PARVB: variants seen among roughly 807,000 people sequenced by gnomAD.
PARVB encodes the protein beta-parvin.
Under a neutral mutation model 47.0 loss-of-function variants are expected in PARVB, and 46 were observed. The observed-to-expected ratio is 0.98, with a 90% CI of 0.77 to 1.25. The LOEUF is 1.25. Among genes scored for constraint, PARVB ranks in the 50% most tolerant of loss-of-function variants. The pLI, the probability that PARVB is intolerant of heterozygous loss-of-function variation, is 0.00. For missense variants in PARVB, 473 were observed against 471.6 expected (o/e 1.00, Z -0.03); for synonymous variants, 196 against 196.3 (o/e 1.00, Z 0.01).
intron 2 of PARVB, among the ~76,000 whole-genome samples, 161 bp from the exon 3 acceptor site, chr22:44,099,892 G>A (rs966609017): frequency 3.3e-5 from 5 of 152,290 alleles, no homozygotes; most frequent in Middle Eastern, 3.4e-3. Context: ...GCGGGAGGAT[G>A]CCCCATCCAC....
chr22:44,117,226 G>A (rs1228835180), intron 3 of PARVB, among the ~76,000 whole-genome samples: 3 of 152,134 alleles, frequency 2.0e-5, no homozygotes, highest in African/African-American at 4.8e-5. Context: ...GGCAGAAACC[G>A]GCCTCTGAAG....
Position 44,082,536 on chromosome 22 carries a change from CA to C in PARVB, c.113-11386del, listed in dbSNP as rs200287844. Among the ~76,000 whole-genome samples, 21 of 151,954 alleles carry C rather than the reference CA, an allele frequency of 1.4e-4. No individual in the cohort carries two copies. In the East Asian group the frequency reaches 3.9e-3, roughly 28 times the overall value. ...TCCGTCTCAAAAACAAAAACAAAAA[CA>C]AAAAACAAAAAACAAAAACTGACTC... On this transcript the variant is annotated intron_variant, in intron 1 of 12. Coordinates refer to ENST00000338758, the MANE Select transcript of PARVB (RefSeq NM_013327.5).
intron 4 of PARVB, among the ~76,000 whole-genome samples, chr22:44,120,204 G>A (rs2053012974): frequency 6.6e-6 from 1 of 152,196 alleles, no homozygotes; most frequent in Non-Finnish European, 1.5e-5. Context: ...GCTCCTGCAT[G>A]ATCACAGCTG....
chr22:44,058,656 G>A (rs2051360822), intron 1 of PARVB, among the ~76,000 whole-genome samples: 1 of 146,936 alleles, frequency 6.8e-6, no homozygotes, highest in Non-Finnish European at 1.5e-5. Context: ...CCGAGTTCAA[G>A]CGACTCTCCT....
intron 2 of PARVB, among the ~76,000 whole-genome samples, chr22:44,010,712 T>C (rs943486364): frequency 6.6e-6 from 1 of 152,180 alleles, no homozygotes; most frequent in Non-Finnish European, 1.5e-5. Context: ...TTGGTTGCTC[T>C]CTGCTCCCGA....
Position 44,172,726 on chromosome 22 carries a change from T to C in PARVB, c.*4048T>C. 3.4e-6 allele frequency: 1 copy of C among 296,406 alleles called. No homozygotes were observed. Among genetic ancestry groups the C allele is most frequent in the South Asian group, 2.7e-5 (1 of 37,338 alleles). The allele number at this position is 296,406 out of a possible 1,614,324, so 18.4% of individuals were successfully genotyped here. Reference sequence around the variant, plus strand: ...CTGTCTTCTTAATTGTTTTAAGCAATGTTTACTTTGGATTTCTGGATGTTA... The same window carrying C: ...CTGTCTTCTTAATTGTTTTAAGCAACGTTTACTTTGGATTTCTGGATGTTA... On this transcript the variant is annotated 3_prime_UTR_variant, in exon 13 of 13. Transcript: ENST00000338758.
chr22:44,147,709 T>G, intron 8 of PARVB, 152 bp from the exon 9 acceptor site: 3 of 778,440 alleles, frequency 3.9e-6, no homozygotes, highest in Non-Finnish European at 7.1e-6. Flanking sequence ...GGGTCAGCCC[T>G]TTCATTCTGG....
At chr22:44,156,122 C>T (rs768555930) in intron 10 of PARVB, among the ~76,000 whole-genome samples, 9 of 151,778 alleles carry the variant, frequency 5.9e-5, no homozygotes, top group Non-Finnish European at 8.8e-5. Context: ...GCCGAGATCG[C>T]ACCACTGCAC....
chr22:44,117,735 CAG>C (rs764744971), intron 3 of PARVB, among the ~76,000 whole-genome samples: 5 of 152,308 alleles, frequency 3.3e-5, no homozygotes, highest in South Asian at 4.1e-4. Context: ...TTCAGAGTGA[CAG>C]GGGACGGTAT....
In PARVB at chr22:44,122,898, C is replaced by T. The variant is rs576256376; in HGVS notation, c.376+3758C>T. Among the ~76,000 whole-genome samples the T allele has an allele frequency of 5.9e-5, 9 of 152,282 alleles. No individual in the cohort carries two copies. In the South Asian group the frequency reaches 1.9e-3, roughly 32 times the overall value. On this transcript the variant is annotated intron_variant, in intron 4 of 12. Transcript: ENST00000338758. ...GTTCCTTCGTTTATTCACCCAGTCTCCTATGTGGGGCATTTTTGTCATTTC... is the reference window on the plus strand; with the variant it reads ...GTTCCTTCGTTTATTCACCCAGTCTTCTATGTGGGGCATTTTTGTCATTTC...
chr22:44,072,640 C>T (rs2051680414), intron 1 of PARVB, among the ~76,000 whole-genome samples: 1 of 152,120 alleles, frequency 6.6e-6, no homozygotes, highest in African/African-American at 2.4e-5. Context: ...GGGGGCTTCA[C>T]CATGTTGGCC....
chr22:44,164,601 A>G (rs2054126915), intron 12 of PARVB, among the ~76,000 whole-genome samples: 1 of 152,212 alleles, frequency 6.6e-6, no homozygotes, highest in East Asian at 1.9e-4. Context: ...GACAAGTCCT[A>G]TATGAAGACA....
At chr22:44,000,973 G>C (rs2050407319) in intron 2 of PARVB, among the ~76,000 whole-genome samples, 2 of 152,264 alleles carry the variant, frequency 1.3e-5, no homozygotes, top group South Asian at 4.1e-4. Flanking sequence ...ATTTGGCCAG[G>C]TGCGGTGGCC....
intron 3 of PARVB, among the ~76,000 whole-genome samples, chr22:44,117,156 A>G (rs532847472): frequency 6.6e-6 from 1 of 152,090 alleles, no homozygotes; most frequent in South Asian, 2.1e-4. Flanking sequence ...AGGGGCATGG[A>G]GAGGCGGGCC....
At chr22:44,114,399 T>TACTA (rs757478659) in intron 3 of PARVB, 1 of 132,548 alleles carries the variant, frequency 7.5e-6, no homozygotes, top group African/African-American at 3.1e-5. Context: ...GATACATTGT[T>TACTA]ACTAAGGCCC....
At chr22:44,148,192 G>A (rs1006021554) in intron 9 of PARVB, 6 of 501,004 alleles carry the variant, frequency 1.2e-5, no homozygotes, top group Admixed American at 6.5e-5. Context: ...TTTCTGACTC[G>A]AGACCTTTTT....
intron 1 of PARVB, among the ~76,000 whole-genome samples, chr22:44,066,807 C>CCTTCTT (rs2051541524): frequency 2.1e-5 from 3 of 145,860 alleles, no homozygotes; most frequent in Admixed American, 6.9e-5. Flanking sequence ...TCCTCCTCCT[C>CCTTCTT]CTCCTCCTCC....
intron 6 of PARVB, among the ~76,000 whole-genome samples, chr22:44,133,664 A>T (rs1464471180): frequency 6.6e-6 from 1 of 152,154 alleles, no homozygotes; most frequent in Non-Finnish European, 1.5e-5. Context: ...TCAGCCTCCC[A>T]GGTAGCTAGG....
chr22:44,138,202 C>T (rs1484683685), intron 7 of PARVB, among the ~76,000 whole-genome samples: 1 of 152,204 alleles, frequency 6.6e-6, no homozygotes, highest in Admixed American at 6.5e-5. Context: ...GCGACCCATC[C>T]TGCTGATGAG....
Sources: allele counts gnomAD v4.1 joint callset (sites outside exome capture counted in the v4.1 genomes callset), GRCh38; gene constraint gnomAD v4.1.1; transcripts MANE v1.5; gene names NCBI Gene and HGNC (gene_info 2026-07-23, HGNC 2026-07-21).